BMP2K: variants seen among roughly 807,000 people sequenced by gnomAD.
BMP2K encodes BMP-2-inducible protein kinase.
A neutral mutation model predicts 116.0 loss-of-function variants in BMP2K; 74 were observed. That is an observed-to-expected ratio of 0.64 (90% CI 0.53 to 0.77). BMP2K has a LOEUF of 0.77. Among genes scored for constraint, BMP2K ranks in the 30% least tolerant of loss-of-function variants. The pLI, the probability that BMP2K is intolerant of heterozygous loss-of-function variation, is 0.00. For missense variants in BMP2K, 1,365 were observed against 1,403.6 expected, an observed-to-expected ratio of 0.97 and a Z score of 0.44; for synonymous variants, 486 against 502.5, an observed-to-expected ratio of 0.97 and a Z score of 0.44.
intron 15 of BMP2K, among the ~76,000 whole-genome samples, chr4:78,905,632 A>G (rs893200326): frequency 6.6e-6 from 1 of 151,920 alleles, no homozygotes; most frequent in African/African-American, 2.4e-5. Context: ...AAATATGGGG[A>G]TTATTAGGAT....
chr4:78,837,261 G>GC (rs1730534501), intron 3 of BMP2K, among the ~76,000 whole-genome samples: 1 of 151,802 alleles, frequency 6.6e-6, no homozygotes, highest in Non-Finnish European at 1.5e-5. Context: ...TGCCATCTCA[G>GC]CTTACTGCAA....
At chr4:78,866,975 G>A (rs557679468) in intron 10 of BMP2K, among the ~76,000 whole-genome samples, 1 of 152,178 alleles carries the variant, frequency 6.6e-6, no homozygotes, top group Non-Finnish European at 1.5e-5. Flanking sequence ...ACTTTGGGGG[G>A]CCAAGGCAGG....
chr4:78,871,268 C>T (rs1732342914), intron 11 of BMP2K, among the ~76,000 whole-genome samples: 1 of 152,136 alleles, frequency 6.6e-6, no homozygotes, highest in South Asian at 2.1e-4. Flanking sequence ...GCATTGTGGC[C>T]TTATGAAGAA....
intron 3 of BMP2K, among the ~76,000 whole-genome samples, chr4:78,837,570 T>C (rs1730548046): frequency 6.6e-6 from 1 of 152,186 alleles, no homozygotes; most frequent in Admixed American, 6.5e-5. Flanking sequence ...GGGGGAAAAA[T>C]ACACCTAGTT....
At chr4:78,890,404 G>GCACACACA (rs149825379) in intron 15 of BMP2K, among the ~76,000 whole-genome samples, 2,554 of 148,060 alleles carry the variant, frequency 0.017, 72 homozygotes, top group African/African-American at 0.059. Flanking sequence ...ACAATCATGC[G>GCACACACA]CACACACACA....
rs114905902 is a variant in BMP2K at position 78,872,863 on chromosome 4, C to T, written c.1793+65C>T. ...GAAGTGGAAGTCATCGTTGAATGGT[C>T]GGTCATTAAGTTCTCTTAAATTAGT... On this transcript the variant is annotated intron_variant, in intron 13 of 15. Coordinates refer to ENST00000502613, the MANE Select transcript of BMP2K (RefSeq NM_198892.2). The T allele has an allele frequency of 8.5e-3, 12,661 of 1,490,530 alleles. 76 individuals are homozygous for T. The highest frequency in any genetic ancestry group is 0.01 in the Non-Finnish European group (10,817 of 1,080,878). The allele number at this position is 1,490,530 out of a possible 1,614,324, so 92.3% of individuals were successfully genotyped here. A position where few individuals can be genotyped will look rare whatever the true frequency, so the allele number is the denominator to read the frequency against.
At chr4:78,835,824 A>G (rs1730450097) in intron 3 of BMP2K, among the ~76,000 whole-genome samples, 1 of 152,102 alleles carries the variant, frequency 6.6e-6, no homozygotes, top group Non-Finnish European at 1.5e-5. Context: ...CAAAAGAGAA[A>G]GGACTTAGAA....
chr4:78,914,759 ATAT>A lies in BMP2K; in HGVS notation c.*2731_*2733del, dbSNP rs970855774. The A allele has an allele frequency of 6.6e-6, 1 of 150,616 alleles. No homozygotes were observed. Among genetic ancestry groups the A allele is most frequent in the Non-Finnish European group, 1.5e-5 (1 of 67,606 alleles). 9.3% of individuals were successfully genotyped at this position (150,616 alleles called of 1,614,324 possible). A position where few individuals can be genotyped will look rare whatever the true frequency, so the allele number is the denominator to read the frequency against. ...ATATATTTGGGGTTTTTTTTCCCTAATATTATTTGGGTGTCCCCTGTGCTTCTT... is the reference window on the plus strand; with the variant it reads ...ATATATTTGGGGTTTTTTTTCCCTAATATTTGGGTGTCCCCTGTGCTTCTT... On this transcript the variant is annotated 3_prime_UTR_variant, in exon 16 of 16. Transcript: ENST00000502613.
At chr4:78,901,148 A>G (rs1297929659) in intron 15 of BMP2K, among the ~76,000 whole-genome samples, 1 of 152,098 alleles carries the variant, frequency 6.6e-6, no homozygotes, top group Admixed American at 6.5e-5. Flanking sequence ...GGCTCAAGCA[A>G]TCCTACTCTC....
Position 78,888,745 on chromosome 4 carries a change from TGG to T in BMP2K, c.2062+1463_2062+1464del, listed in dbSNP as rs375540425. 4.4e-3 allele frequency among the ~76,000 whole-genome samples: 677 copies of T among 152,350 alleles called. 2 individuals carry two copies. Among genetic ancestry groups the T allele is most frequent in the African/African-American group, 0.015 (641 of 41,586 alleles). ...TGCTATTTTGTTTAACTGTTTACTA[TGG>T]GTATTTATATTAGATTTTAAGCTAA... On this transcript the variant is annotated intron_variant, in intron 15 of 15. Coordinates refer to ENST00000502613, the MANE Select transcript of BMP2K (RefSeq NM_198892.2).
chr4:78,793,610 C>T (rs141719508), intron 1 of BMP2K, among the ~76,000 whole-genome samples: 32 of 152,022 alleles, frequency 2.1e-4, no homozygotes, highest in African/African-American at 7.7e-4. Flanking sequence ...TTGAGAATCT[C>T]TGGGTCTACA....
Position 78,876,759 on chromosome 4 carries a change from C to T in BMP2K, c.1794-1975C>T, listed in dbSNP as rs987931392. On this transcript the variant is annotated intron_variant, in intron 13 of 15. Coordinates refer to ENST00000502613, the MANE Select transcript of BMP2K (RefSeq NM_198892.2). ...ACTTAATAGCTTTCTTACATTGTCT[C>T]GTTCTTATGCTATACAGTCATGCAT... Among the ~76,000 whole-genome samples, 10 of 152,252 alleles carry T rather than the reference C, an allele frequency of 6.6e-5. No homozygotes were observed. The East Asian group carries it at 9.6e-4, about 15-fold the overall frequency.
At chr4:78,788,895 GTTTT>G (rs369759418) in intron 1 of BMP2K, among the ~76,000 whole-genome samples, 1 of 107,354 alleles carries the variant, frequency 9.3e-6, no homozygotes, top group Admixed American at 9.3e-5. Context: ...AATAGTGGCT[GTTTT>G]TTTTTTTTTT....
chr4:78,859,548 C>A, intron 7 of BMP2K, 36 bp from the exon 8 acceptor site: 1 of 1,442,128 alleles, frequency 6.9e-7, no homozygotes, highest in South Asian at 1.2e-5. Context: ...ATGTGTGTTT[C>A]ATAAAACTTC....
At chr4:78,843,425 T>C (rs1408437264) in intron 4 of BMP2K, among the ~76,000 whole-genome samples, 1 of 150,066 alleles carries the variant, frequency 6.7e-6, no homozygotes, top group Non-Finnish European at 1.5e-5. Context: ...CCAGGACTTT[T>C]CTTTTTTTTT....
At chr4:78,871,222 A>G (rs1054344520) in intron 11 of BMP2K, among the ~76,000 whole-genome samples, 162 bp downstream of exon 11, 8 of 152,228 alleles carry the variant, frequency 5.3e-5, no homozygotes, top group Admixed American at 4.6e-4. Flanking sequence ...TTAATTTGCA[A>G]TCAGTGAAAT....
intron 7 of BMP2K, among the ~76,000 whole-genome samples, chr4:78,852,043 A>C (rs1006487841): frequency 6.6e-6 from 1 of 152,128 alleles, no homozygotes; most frequent in Non-Finnish European, 1.5e-5. Context: ...AAAAAGGTCA[A>C]AAATGACCAA....
At chr4:78,866,623 G>A (rs963622526) in intron 10 of BMP2K, among the ~76,000 whole-genome samples, 1 of 152,042 alleles carries the variant, frequency 6.6e-6, no homozygotes, top group Non-Finnish European at 1.5e-5. Flanking sequence ...TAAAGTATAT[G>A]TTCAGGAAAG....
intron 1 of BMP2K, among the ~76,000 whole-genome samples, chr4:78,815,527 T>C (rs551917515): frequency 6.6e-6 from 1 of 152,326 alleles, no homozygotes; most frequent in East Asian, 1.9e-4. Context: ...AGGATTTTGA[T>C]ATGTTGCATG....
Sources: gnomAD v4.1 joint callset for allele counts (sites outside exome capture counted in the v4.1 genomes callset) on GRCh38, gnomAD v4.1.1 for gene constraint, MANE v1.5 for transcripts, NCBI Gene and HGNC (gene_info 2026-07-23, HGNC 2026-07-21) for gene names.